PTPA: variants seen among roughly 807,000 people sequenced by gnomAD.
The protein encoded by PTPA is protein phosphatase 2 phosphatase activator.
In PTPA, 13 loss-of-function variants were observed where a neutral mutation model predicts 43.6. The ratio of observed to expected loss-of-function variants is 0.30; its 90% CI spans 0.19 to 0.47. The LOEUF (loss-of-function observed/expected upper bound fraction) is 0.47. Among genes scored for constraint, PTPA ranks in the 20% least tolerant of loss-of-function variants. The pLI is 0.99. For missense variants in PTPA, 329 were observed against 411.9 expected, an observed-to-expected ratio of 0.80 and a Z score of 1.74; for synonymous variants, 172 against 158.2, an observed-to-expected ratio of 1.09 and a Z score of -0.66.
chr9:129,144,110 G>A (rs1184438156), intron 9 of PTPA, among the ~76,000 whole-genome samples: 1 of 151,630 alleles, frequency 6.6e-6, no homozygotes, highest in African/African-American at 2.4e-5. Flanking sequence ...CAAAGGATAG[G>A]GCAAGAGACC....
At chr9:129,146,014 C>T (rs1851275155) in intron 9 of PTPA, among the ~76,000 whole-genome samples, 3 of 152,060 alleles carry the variant, frequency 2.0e-5, no homozygotes, top group South Asian at 4.1e-4. Flanking sequence ...TGGGAAGAAC[C>T]CCTGCCTCCA....
chr9:129,137,887 C>A, intron 8 of PTPA, 195 bp downstream of exon 8: 1 of 623,296 alleles, frequency 1.6e-6, no homozygotes, highest in South Asian at 1.8e-5. Context: ...GGTCCTCCGC[C>A]CAGTTCTCCT....
chr9:129,138,846 CGGGACTGACGGCT>C (rs945243089), intron 8 of PTPA, among the ~76,000 whole-genome samples: 3 of 152,212 alleles, frequency 2.0e-5, no homozygotes, highest in Non-Finnish European at 2.9e-5. Context: ...CAAATGGAGC[CGGGACTGACGGCT>C]GGGCGGCCAC....
chr9:129,111,703 G>T, intron 1 of PTPA, 72 bp downstream of exon 1: 1 of 1,248,118 alleles, frequency 8.0e-7, no homozygotes, highest in Non-Finnish European at 1.0e-6. Context: ...GGAGGCTCAG[G>T]AGGGCGAGAG....
chr9:129,143,447 T>G (rs1851048404), intron 9 of PTPA: 1 of 702,892 alleles, frequency 1.4e-6, no homozygotes, highest in Non-Finnish European at 2.6e-6. Flanking sequence ...CTGGCCGGCC[T>G]TCTCTTCTGG....
intron 9 of PTPA, among the ~76,000 whole-genome samples, chr9:129,145,260 G>A (rs919178880): frequency 1.3e-5 from 2 of 151,790 alleles, no homozygotes; most frequent in African/African-American, 2.4e-5. Flanking sequence ...GAATTTGGGA[G>A]GTGGAGGTTG....
chr9:129,111,786 G>A (rs557146769), intron 1 of PTPA, 155 bp downstream of exon 1: 14 of 1,234,268 alleles, frequency 1.1e-5, no homozygotes, highest in South Asian at 3.9e-5. Context: ...TGGCCTTAGG[G>A]GAGAGGTGGG....
chr9:129,138,768 A>G (rs1268389882), intron 8 of PTPA, among the ~76,000 whole-genome samples: 1 of 152,222 alleles, frequency 6.6e-6, no homozygotes, highest in East Asian at 1.9e-4. Context: ...CTTCCTGGTC[A>G]ACATTCGGCT....
rs770942909 is a variant in PTPA, at chr9:129,129,024, A to T, written c.256A>T (p.Arg86Trp). 1 of 1,613,084 alleles carries T rather than the reference A, an allele frequency of 6.2e-7. No individual in the cohort carries two copies. The highest frequency in any genetic ancestry group is 8.5e-7 in the Non-Finnish European group (1 of 1,179,986). ...AGTCGCTCTTCTCAACACGCTGGAC[A>T]GGTGGATTGATGAGACTCCTCCAGT... ...KLVALLNTLD[R>W]WIDETPPVDQ... The change falls in exon 4 of 10, where the codon AGG becomes TGG. Residue 86 changes from arginine (R) to tryptophan (W), a missense_variant. By Grantham distance (101) the Arg-to-Trp change is moderately radical (BLOSUM62 -3). Transcript: ENST00000393370.
intron 9 of PTPA, chr9:129,143,443 G>A (rs762997117): frequency 4.3e-6 from 3 of 702,760 alleles, no homozygotes; most frequent in Non-Finnish European, 5.2e-6. Flanking sequence ...ACTCCTGGCC[G>A]GCCTTCTCTT....
chr9:129,140,220 A>T (rs565696496), intron 8 of PTPA: 4 of 152,580 alleles, frequency 2.6e-5, no homozygotes, highest in South Asian at 4.1e-4. Context: ...TGCGGGCTGC[A>T]GCTCGCTCGC....
intron 1 of PTPA, among the ~76,000 whole-genome samples, chr9:129,115,384 T>G (rs1469290873): frequency 6.6e-6 from 1 of 152,204 alleles, no homozygotes; most frequent in Non-Finnish European, 1.5e-5. Flanking sequence ...GAGATTTGTC[T>G]TTCTCTAAAC....
chr9:129,133,579 T>C (rs1011415222), intron 5 of PTPA, among the ~76,000 whole-genome samples: 12 of 152,214 alleles, frequency 7.9e-5, no homozygotes, highest in Non-Finnish European at 1.5e-4. Context: ...AACAATGGGA[T>C]TCAATCACAG....
chr9:129,137,886 C>T, intron 8 of PTPA, 194 bp downstream of exon 8: 1 of 623,542 alleles, frequency 1.6e-6, no homozygotes. Flanking sequence ...AGGTCCTCCG[C>T]CCAGTTCTCC....
intron 5 of PTPA, 23 bp from the exon 6 acceptor site, chr9:129,134,772 C>T (rs756217029): frequency 7.0e-5 from 111 of 1,583,924 alleles, no homozygotes; most frequent in Non-Finnish European, 9.1e-5. Context: ...CTACTGTCAA[C>T]GCTGGTTGTT....
chr9:129,134,411 C>T (rs1850216356), intron 5 of PTPA, among the ~76,000 whole-genome samples: 1 of 146,354 alleles, frequency 6.8e-6, no homozygotes, highest in African/African-American at 2.5e-5. Context: ...CTCAGGAGAT[C>T]CTCCATCTCA....
intron 5 of PTPA, among the ~76,000 whole-genome samples, chr9:129,132,398 TG>T (rs1169806790): frequency 6.6e-6 from 1 of 152,200 alleles, no homozygotes; most frequent in Non-Finnish European, 1.5e-5. Context: ...GATGTGATCT[TG>T]GCCCACTGCA....
At chr9:129,116,022 G>A (rs979248059) in intron 1 of PTPA, among the ~76,000 whole-genome samples, 7 of 151,856 alleles carry the variant, frequency 4.6e-5, no homozygotes, top group African/African-American at 1.5e-4. Context: ...TACCATGCCC[G>A]GCTAATTTTT....
rs111606929 is a variant in PTPA, at chr9:129,141,251, A to G, written c.787-1194A>G. 2.5e-3 allele frequency among the ~76,000 whole-genome samples: 385 copies of G among 152,232 alleles called. 2 individuals carry two copies. Among genetic ancestry groups the G allele is most frequent in the African/African-American group, 8.7e-3 (363 of 41,536 alleles). ...GTCACCAGGTGGCAGCCCATGGCTC[A>G]AGAGTGGGGGCTCCTGAGGGCTCTT... On this transcript the variant is annotated intron_variant, in intron 8 of 9. Transcript: ENST00000393370.
Sources: gnomAD v4.1 joint callset for allele counts (sites outside exome capture counted in the v4.1 genomes callset) on GRCh38, gnomAD v4.1.1 for gene constraint, MANE v1.5 for transcripts, NCBI Gene and HGNC (gene_info 2026-07-23, HGNC 2026-07-21) for gene names.